The following IBTK variants were observed in gnomAD, a reference collection of about 807,000 sequenced individuals.
The protein encoded by IBTK is BTK-binding protein.
A neutral mutation model predicts 154.9 loss-of-function variants in IBTK; 83 were observed. The ratio of observed to expected loss-of-function variants is 0.54; its 90% CI spans 0.45 to 0.64. The LOEUF (loss-of-function observed/expected upper bound fraction) is 0.64. IBTK is among the 30% of genes least tolerant of loss of function. The probability of loss-of-function intolerance (pLI) is 0.00; values close to 1 mark genes in which losing one functional copy is unlikely to be tolerated. For synonymous variants in IBTK, 515 were observed against 536.1 expected, an observed-to-expected ratio of 0.96 and a Z score of 0.54; for missense variants, 1,332 against 1,584.6, an observed-to-expected ratio of 0.84 and a Z score of 2.71.
At chr6:82,172,781 T>G in intron 27 of IBTK, 2 of 333,618 alleles carry the variant, frequency 6.0e-6, no homozygotes, top group Non-Finnish European at 5.4e-6. Flanking sequence ...TCGCAGAGAT[T>G]ACAGAATGAT....
At position 82,170,169 on chromosome 6, in the gene IBTK, A is replaced by G. The variant is rs1407178102; in HGVS notation, c.*1256T>C. On this transcript the variant is annotated 3_prime_UTR_variant, in exon 29 of 29. Coordinates refer to ENST00000306270, the MANE Select transcript of IBTK (RefSeq NM_015525.4). Reference sequence around the variant, plus strand: ...ATACTGGCCACTAGTGTAGCACATCAGAAAAAATAATTATTAACTCTTTCC... The same window carrying G: ...ATACTGGCCACTAGTGTAGCACATCGGAAAAAATAATTATTAACTCTTTCC... 2.0e-5 allele frequency: 3 copies of G among 152,488 alleles called. No individual in the cohort carries two copies. Among genetic ancestry groups the G allele is most frequent in the African/African-American group, 4.8e-5 (2 of 41,470 alleles). The allele number at this position is 152,488 out of a possible 1,614,324, so 9.4% of individuals were successfully genotyped here.
chr6:82,232,272 A>G (rs1770539718), intron 3 of IBTK, among the ~76,000 whole-genome samples: 1 of 152,164 alleles, frequency 6.6e-6, no homozygotes, highest in Admixed American at 6.5e-5. Context: ...CTTAGTTTCC[A>G]TGAAAATAAT....
chr6:82,172,661 T>C, intron 27 of IBTK, 149 bp from the exon 28 acceptor site: 1 of 622,726 alleles, frequency 1.6e-6, no homozygotes, highest in Non-Finnish European at 2.6e-6. Flanking sequence ...TACAGAATGA[T>C]GAGTTTCACT....
chr6:82,226,464 A>G (rs1218305344), intron 5 of IBTK, among the ~76,000 whole-genome samples: 1 of 151,822 alleles, frequency 6.6e-6, no homozygotes, highest in Non-Finnish European at 1.5e-5. Context: ...AAGTTTCAGT[A>G]GCACAAATAT....
chr6:82,200,179 TAA>T lies in IBTK; in HGVS notation c.2985_2986del (p.Tyr996Ter). 1 of 1,613,254 alleles carries T rather than the reference TAA, an allele frequency of 6.2e-7. No individual in the cohort carries two copies. On this transcript the variant is annotated frameshift_variant, in exon 21 of 29. Coordinates refer to ENST00000306270, the MANE Select transcript of IBTK (RefSeq NM_015525.4). LOFTEE classifies it high-confidence loss of function. Reference sequence around the variant, plus strand: ...ACTCTGAATAATATCTGAAAGGTTATAACCTCCAGAACTATCTGAACGTTTAC... The same window carrying T: ...ACTCTGAATAATATCTGAAAGGTTATCCTCCAGAACTATCTGAACGTTTAC...
rs186132370 is a variant in IBTK at position 82,231,930 on chromosome 6, C to T, written c.419-88G>A. On this transcript the variant is annotated intron_variant, in intron 3 of 28. Coordinates refer to ENST00000306270, the MANE Select transcript of IBTK (RefSeq NM_015525.4). ...ACTACAATATTTAGAAAGATGCCAA[C>T]GCTCTTCTCTGAATGAATATATTAA... 1.2e-4 allele frequency: 84 copies of T among 687,202 alleles called. No homozygotes were observed. The East Asian group carries it at 1.6e-3, about 13-fold the overall frequency. The allele number at this position is 687,202 out of a possible 1,614,324, so 42.6% of individuals were successfully genotyped here.
At position 82,184,097 on chromosome 6, in the gene IBTK, T is replaced by G. The variant is rs74540546; in HGVS notation, c.3576-2069A>C. Among the ~76,000 whole-genome samples the G allele has an allele frequency of 9.4e-3, 1,436 of 152,344 alleles. 20 individuals are homozygous for G. Among genetic ancestry groups the G allele is most frequent in the African/African-American group, 0.033 (1,358 of 41,572 alleles). ...GATTGTGTGATACTGGCATAAGGAT[T>G]GACAAACAGATTTCTTCAATTATGT... On this transcript the variant is annotated intron_variant, in intron 25 of 28. Coordinates refer to ENST00000306270, the MANE Select transcript of IBTK (RefSeq NM_015525.4).
At chr6:82,184,782 TA>T (rs1768477464) in intron 25 of IBTK, among the ~76,000 whole-genome samples, 1 of 152,192 alleles carries the variant, frequency 6.6e-6, no homozygotes, top group African/African-American at 2.4e-5. Flanking sequence ...AATTGCACAT[TA>T]ACCTTAATAT....
chr6:82,186,234 CAACT>C (rs1270802855), intron 25 of IBTK, among the ~76,000 whole-genome samples: 2 of 152,026 alleles, frequency 1.3e-5, no homozygotes, highest in Non-Finnish European at 2.9e-5. Flanking sequence ...GAAATTAGAC[CAACT>C]AATAACCCTA....
chr6:82,243,024 G>A (rs1429546404), intron 1 of IBTK, among the ~76,000 whole-genome samples: 1 of 152,036 alleles, frequency 6.6e-6, no homozygotes, highest in African/African-American at 2.4e-5. Flanking sequence ...GGCGAATCAC[G>A]AGGTCAGGAG....
At chr6:82,214,907 TA>T in intron 11 of IBTK, 78 bp from the exon 12 acceptor site, 2 of 1,421,922 alleles carry the variant, frequency 1.4e-6, no homozygotes, top group Non-Finnish European at 1.9e-6. Context: ...AATTCTCCTT[TA>T]AAATGCAATT....
chr6:82,236,466 G>T (rs765096697), intron 2 of IBTK, among the ~76,000 whole-genome samples: 16 of 152,100 alleles, frequency 1.1e-4, no homozygotes, highest in Non-Finnish European at 2.2e-4. Flanking sequence ...AAAGAGCAAT[G>T]GTTTAGCAAC....
chr6:82,242,863 G>A (rs370075207), intron 1 of IBTK, among the ~76,000 whole-genome samples: 19 of 152,024 alleles, frequency 1.2e-4, no homozygotes, highest in African/African-American at 4.1e-4. Context: ...CTTGAACCCA[G>A]GAGGTGGAGG....
intron 11 of IBTK, among the ~76,000 whole-genome samples, chr6:82,215,213 A>G (rs1026610713): frequency 6.6e-6 from 1 of 152,086 alleles, no homozygotes. Context: ...GAGACTTTCA[A>G]TGTTAAAACT....
At chr6:82,190,680 T>G (rs926417557) in intron 25 of IBTK, among the ~76,000 whole-genome samples, 17 of 152,044 alleles carry the variant, frequency 1.1e-4, no homozygotes, top group Non-Finnish European at 2.9e-5. Flanking sequence ...TAGCGTAGTA[T>G]AAATAAAGTT....
intron 8 of IBTK, among the ~76,000 whole-genome samples, chr6:82,220,948 A>ACACACACACACG (rs1770075017): frequency 6.7e-6 from 1 of 148,534 alleles, no homozygotes; most frequent in African/African-American, 2.6e-5. Context: ...ACACACACAC[A>ACACACACACACG]CACACACACA....
Position 82,240,528 on chromosome 6 carries a change from T to C in IBTK, c.-42A>G, listed in dbSNP as rs1468828161. 2 of 1,527,794 alleles carry C rather than the reference T, an allele frequency of 1.3e-6. No individual in the cohort carries two copies. The highest frequency in any genetic ancestry group is 2.8e-5 in the African/African-American group (2 of 72,288). The allele number at this position is 1,527,794 out of a possible 1,614,324, so 94.6% of individuals were successfully genotyped here. On this transcript the variant is annotated 5_prime_UTR_variant, in exon 2 of 29. Transcript: ENST00000306270. ...CCACTTACTTCAGAATCGTGAAAAC[T>C]AATTTTAAAAAATGAAAAAGCCAGG...
chr6:82,240,663 A>C lies in IBTK; in HGVS notation c.-177T>G, dbSNP rs1206890176. The C allele has an allele frequency of 1.9e-6, 1 of 524,710 alleles. No homozygotes were observed. The highest frequency in any genetic ancestry group is 3.3e-6 in the Non-Finnish European group (1 of 306,698). The allele number at this position is 524,710 out of a possible 1,614,324, so 32.5% of individuals were successfully genotyped here. A position where few individuals can be genotyped will look rare whatever the true frequency, so the allele number is the denominator to read the frequency against. On this transcript the variant is annotated 5_prime_UTR_variant, in exon 2 of 29. Coordinates refer to ENST00000306270, the MANE Select transcript of IBTK (RefSeq NM_015525.4). Reference sequence around the variant, plus strand: ...ATATATCTTTATACAATTTTTTGGCACTTAAATCAAAAAAATTATAAATAG... The same window carrying C: ...ATATATCTTTATACAATTTTTTGGCCCTTAAATCAAAAAAATTATAAATAG...
chr6:82,240,562 G>A lies in IBTK; in HGVS notation c.-76C>T. On this transcript the variant is annotated 5_prime_UTR_variant, in exon 2 of 29. Transcript: ENST00000306270. ...AAAATGAAAAAGCCAGGACACAAAG[G>A]TGCTATTGAGGAAGTTACAGAGAAT... is the stretch of plus-strand genomic sequence containing the variant. 5 of 1,201,282 alleles carry A rather than the reference G, an allele frequency of 4.2e-6. No individual in the cohort carries two copies. 74.4% of individuals were successfully genotyped at this position (1,201,282 alleles called of 1,614,324 possible).
Sources: allele counts gnomAD v4.1 joint callset (sites outside exome capture counted in the v4.1 genomes callset), GRCh38; gene constraint gnomAD v4.1.1; transcripts MANE v1.5; gene names NCBI Gene and HGNC (gene_info 2026-07-23, HGNC 2026-07-21).